The following SYNE1 variants were observed in gnomAD, a reference collection of about 807,000 sequenced individuals.
SYNE1 encodes spectrin repeat containing nuclear envelope protein 1, also known as nesprin-1.
In SYNE1, 616 loss-of-function variants were observed where a neutral mutation model predicts 1,111.0. That is an observed-to-expected ratio of 0.55 (90% CI 0.52 to 0.59). SYNE1 has a LOEUF of 0.59. Ranked by LOEUF, SYNE1 falls within the 20% of genes least tolerant of loss-of-function variation. The pLI is 0.00. For missense variants in SYNE1, 10,006 were observed against 10,417.0 expected, an observed-to-expected ratio of 0.96 and a Z score of 1.72; for synonymous variants, 3,855 against 3,825.8, an observed-to-expected ratio of 1.01 and a Z score of -0.28.
At chr6:152,603,506 A>G (rs2099601083) in intron 3 of SYNE1, among the ~76,000 whole-genome samples, 1 of 152,072 alleles carries the variant, frequency 6.6e-6, no homozygotes, top group African/African-American at 2.4e-5. Context: ...AGAACTTCCC[A>G]TGCAAGTTGG....
intron 41 of SYNE1, among the ~76,000 whole-genome samples, chr6:152,415,789 T>TAAAAAAAAAAA (rs1209590450): frequency 2.3e-4 from 17 of 73,032 alleles, no homozygotes; most frequent in African/African-American, 5.3e-4. Context: ...TTCAAAGTGG[T>TAAAAAAAAAAA]AAAAAAAAAA....
chr6:152,488,678 T>G (rs1288115165), intron 11 of SYNE1, among the ~76,000 whole-genome samples, 175 bp from the exon 12 acceptor site: 1 of 152,062 alleles, frequency 6.6e-6, no homozygotes, highest in Non-Finnish European at 1.5e-5. Flanking sequence ...AAGTTAACTC[T>G]AGAAAAGTAT....
chr6:152,287,314 A>G (rs952059827), intron 95 of SYNE1, among the ~76,000 whole-genome samples: 3 of 152,162 alleles, frequency 2.0e-5, no homozygotes, highest in Non-Finnish European at 2.9e-5. Context: ...CTTTGCCACA[A>G]GTCAAGTGTC....
chr6:152,267,021 C>T (rs2092781714), intron 100 of SYNE1, among the ~76,000 whole-genome samples: 2 of 152,126 alleles, frequency 1.3e-5, no homozygotes, highest in Non-Finnish European at 1.5e-5. Flanking sequence ...TACTTAGCAT[C>T]ATACATTTAT....
chr6:152,150,614 T>C (rs147748083), intron 135 of SYNE1, among the ~76,000 whole-genome samples: 192 of 152,326 alleles, frequency 1.3e-3, no homozygotes, highest in African/African-American at 2.8e-3. Flanking sequence ...TTTAAAAAAA[T>C]CCATCTATCT....
At chr6:152,135,350 C>G (rs2056813705) in intron 141 of SYNE1, 118 bp from the exon 142 acceptor site, 2 of 1,127,724 alleles carry the variant, frequency 1.8e-6, no homozygotes, top group Admixed American at 2.0e-5. Flanking sequence ...ATACATGCAA[C>G]TCCTTTCTGA....
chr6:152,473,797 A>G (rs1375323080), intron 14 of SYNE1, among the ~76,000 whole-genome samples: 1 of 152,222 alleles, frequency 6.6e-6, no homozygotes, highest in African/African-American at 2.4e-5. Flanking sequence ...TTATCACCCC[A>G]GCTAGCTCTG....
At chr6:152,560,491 G>T (rs565148238) in intron 3 of SYNE1, among the ~76,000 whole-genome samples, 3 of 152,304 alleles carry the variant, frequency 2.0e-5, no homozygotes, top group African/African-American at 4.8e-5. Flanking sequence ...GGTTTTATGT[G>T]TGAATTCCAT....
intron 13 of SYNE1, 70 bp from the exon 14 acceptor site, chr6:152,483,319 T>A: frequency 7.6e-7 from 1 of 1,316,688 alleles, no homozygotes; most frequent in South Asian, 1.2e-5. Flanking sequence ...TGCACCCAAA[T>A]AATAGTAAAG....
At chr6:152,257,130 T>C (rs1043821769) in intron 101 of SYNE1, among the ~76,000 whole-genome samples, 9 of 152,162 alleles carry the variant, frequency 5.9e-5, no homozygotes, top group African/African-American at 1.7e-4. Context: ...GTGATAAATG[T>C]TTGAGATGAT....
At chr6:152,566,778 C>T (rs2099414966) in intron 3 of SYNE1, among the ~76,000 whole-genome samples, 1 of 152,104 alleles carries the variant, frequency 6.6e-6, no homozygotes. Flanking sequence ...GAGTGACTTC[C>T]ATTATTTAAG....
chr6:152,346,452 C>G (rs550012454), intron 73 of SYNE1, among the ~76,000 whole-genome samples: 1 of 152,272 alleles, frequency 6.6e-6, no homozygotes, highest in South Asian at 2.1e-4. Flanking sequence ...TAGGCTTGAG[C>G]CACCATGCCC....
At chr6:152,490,568 C>T (rs1304584887) in intron 11 of SYNE1, among the ~76,000 whole-genome samples, 1 of 152,184 alleles carries the variant, frequency 6.6e-6, no homozygotes, top group African/African-American at 2.4e-5. Flanking sequence ...CTGCCTCTGT[C>T]TGCAAGAGAA....
chr6:152,155,853 T>C, intron 132 of SYNE1, 57 bp downstream of exon 132: 1 of 1,604,986 alleles, frequency 6.2e-7, no homozygotes, highest in Non-Finnish European at 8.5e-7. Context: ...CTCTGGGTGA[T>C]TTTTATTTTC....
intron 3 of SYNE1, among the ~76,000 whole-genome samples, chr6:152,605,966 T>C (rs2695251): frequency 0.64 from 97,553 of 151,952 alleles, 31,430 homozygotes; most frequent in Non-Finnish European, 0.68. Flanking sequence ...AAGTAATAAT[T>C]AACAACTATT....
chr6:152,138,056 T>C (rs1015901569), intron 140 of SYNE1, among the ~76,000 whole-genome samples: 3 of 152,198 alleles, frequency 2.0e-5, no homozygotes, highest in Admixed American at 1.3e-4. Flanking sequence ...TTAGGGACTC[T>C]AGATAAAAAT....
chr6:152,529,660 A>G (rs1453615885), intron 4 of SYNE1, among the ~76,000 whole-genome samples: 2 of 152,202 alleles, frequency 1.3e-5, no homozygotes, highest in African/African-American at 2.4e-5. Flanking sequence ...GCAAAAAGAC[A>G]CATGTAGTGA....
chr6:152,372,711 A>G (rs544516341), intron 59 of SYNE1, among the ~76,000 whole-genome samples: 27 of 152,322 alleles, frequency 1.8e-4, no homozygotes, highest in African/African-American at 6.3e-4. Flanking sequence ...TCATTCTCCT[A>G]GACCACCTTC....
At chr6:152,456,603 C>T (rs915963853) in intron 22 of SYNE1, 5 of 331,044 alleles carry the variant, frequency 1.5e-5, no homozygotes, top group African/African-American at 4.3e-5. Flanking sequence ...GGCAGCAGAC[C>T]GATGCACTTG....
Sources: allele counts gnomAD v4.1 joint callset (sites outside exome capture counted in the v4.1 genomes callset), GRCh38; gene constraint gnomAD v4.1.1; transcripts MANE v1.5; gene names NCBI Gene and HGNC (gene_info 2026-07-23, HGNC 2026-07-21).